DAB1: variants seen among roughly 807,000 people sequenced by gnomAD.
The protein encoded by DAB1 is DAB adaptor protein 1.
In DAB1, 15 loss-of-function variants were observed where a neutral mutation model predicts 64.6. That is an observed-to-expected ratio of 0.23 (90% CI 0.16 to 0.36). The LOEUF (loss-of-function observed/expected upper bound fraction) is 0.36. Ranked by LOEUF, DAB1 falls within the 10% of genes least tolerant of loss-of-function variation. DAB1 has a pLI of 1.00. For missense variants in DAB1, 596 were observed against 706.7 expected (o/e 0.84, Z 1.78); for synonymous variants, 235 against 251.9 (o/e 0.93, Z 0.64).
At chr1:57,319,724 A>T (rs1675535241) in intron 1 of DAB1, among the ~76,000 whole-genome samples, 1 of 152,086 alleles carries the variant, frequency 6.6e-6, no homozygotes, top group Admixed American at 6.6e-5. Context: ...AAGTGGCACT[A>T]TGATACAGTT....
At chr1:57,753,068 G>A (rs1648628220) in intron 6 of DAB1, among the ~76,000 whole-genome samples, 1 of 152,152 alleles carries the variant, frequency 6.6e-6, no homozygotes, top group East Asian at 1.9e-4. Context: ...AGAATGAGAG[G>A]TGATCCCTTG....
chr1:57,661,165 C>G (rs1646382089), intron 6 of DAB1, among the ~76,000 whole-genome samples: 1 of 151,934 alleles, frequency 6.6e-6, no homozygotes, highest in African/African-American at 2.4e-5. Context: ...AATTTTCTCA[C>G]TGTGTCTAAA....
chr1:57,176,920 T>TTATTTTGAG (rs1362549465), intron 2 of DAB1, among the ~76,000 whole-genome samples: 1 of 144,304 alleles, frequency 6.9e-6, no homozygotes, highest in East Asian at 2.0e-4. Context: ...GGCATAAGGA[T>TTATTTTGAG]TATTTTGAGC....
intron 2 of DAB1, among the ~76,000 whole-genome samples, chr1:57,246,378 C>G (rs1166913342): frequency 6.6e-6 from 1 of 152,226 alleles, no homozygotes; most frequent in Non-Finnish European, 1.5e-5. Context: ...TCAGAGGGTG[C>G]AAGCCCCAAG....
chr1:58,079,574 G>A (rs1407751055), intron 5 of DAB1, among the ~76,000 whole-genome samples: 2 of 129,970 alleles, frequency 1.5e-5, no homozygotes, highest in Non-Finnish European at 3.1e-5. Flanking sequence ...CCAGGTTGGA[G>A]TGCAATGGCG....
chr1:58,288,258 G>A (rs1661738386), intron 4 of DAB1, among the ~76,000 whole-genome samples: 1 of 152,028 alleles, frequency 6.6e-6, no homozygotes, highest in South Asian at 2.1e-4. Context: ...AAATCTCTTG[G>A]TATCTTTTAC....
At chr1:58,448,932 G>C (rs895705616) in intron 3 of DAB1, among the ~76,000 whole-genome samples, 5 of 152,162 alleles carry the variant, frequency 3.3e-5, no homozygotes, top group African/African-American at 1.2e-4. Context: ...TTATAGAGTA[G>C]AGAAAGAAAT....
chr1:58,294,056 T>C (rs914152204), intron 4 of DAB1, among the ~76,000 whole-genome samples: 2 of 152,170 alleles, frequency 1.3e-5, no homozygotes, highest in Non-Finnish European at 2.9e-5. Flanking sequence ...TTCTCACTCA[T>C]GGCTGGGTCC....
chr1:57,103,523 T>A (rs1289339781), intron 4 of DAB1, among the ~76,000 whole-genome samples: 1 of 152,052 alleles, frequency 6.6e-6, no homozygotes, highest in Non-Finnish European at 1.5e-5. Flanking sequence ...CTAGAGCAGA[T>A]CCCGGGAGTA....
chr1:57,995,057 GT>G (rs1452795063), intron 5 of DAB1, among the ~76,000 whole-genome samples: 2 of 152,190 alleles, frequency 1.3e-5, no homozygotes, highest in Non-Finnish European at 2.9e-5. Flanking sequence ...ATAACTGTCT[GT>G]GTTTTGCTGA....
chr1:58,483,623 G>A (rs1258103626), intron 3 of DAB1, among the ~76,000 whole-genome samples: 1 of 152,134 alleles, frequency 6.6e-6, no homozygotes, highest in East Asian at 1.9e-4. Context: ...AAACTGAATT[G>A]ACACAACAAG....
intron 4 of DAB1, among the ~76,000 whole-genome samples, chr1:58,293,307 A>C (rs1277642922): frequency 6.6e-6 from 1 of 152,176 alleles, no homozygotes; most frequent in Non-Finnish European, 1.5e-5. Flanking sequence ...CTTTGACATC[A>C]GCTCTCTCTC....
intron 5 of DAB1, among the ~76,000 whole-genome samples, chr1:58,142,280 A>G (rs903760223): frequency 2.0e-5 from 3 of 152,252 alleles, no homozygotes; most frequent in African/African-American, 7.2e-5. Context: ...GAACAGGAAT[A>G]TGATGCCAGC....
At chr1:57,951,057 G>T (rs947517420) in intron 5 of DAB1, among the ~76,000 whole-genome samples, 1 of 152,128 alleles carries the variant, frequency 6.6e-6, no homozygotes, top group East Asian at 1.9e-4. Context: ...GATCAGGAGA[G>T]TGAATGCAGT....
chr1:57,556,666 G>A (rs1193716069), intron 7 of DAB1, among the ~76,000 whole-genome samples: 2 of 152,158 alleles, frequency 1.3e-5, no homozygotes, highest in Non-Finnish European at 2.9e-5. Context: ...GTTCCTTGTA[G>A]ATTCTGGATA....
At chr1:57,364,324 G>T (rs901689742) in intron 1 of DAB1, among the ~76,000 whole-genome samples, 7 of 152,114 alleles carry the variant, frequency 4.6e-5, no homozygotes, top group Non-Finnish European at 8.8e-5. Context: ...AAAATCAATA[G>T]CAAGAGAAGT....
In DAB1 at chr1:57,660,305, A is replaced by T. The variant is rs192166727; in HGVS notation, n.552-10640T>A. ...GAGCAAATAAATCATGACCAAATCC[A>T]CACAGAGAACAGCAAAAGTAGGTTT... On this transcript the variant is annotated intron_variant and non_coding_transcript_variant, in intron 6 of 20. Coordinates refer to the DAB1 transcript ENST00000485760. 7.4e-3 allele frequency among the ~76,000 whole-genome samples: 1,127 copies of T among 152,248 alleles called. 6 individuals are homozygous for T. The highest frequency in any genetic ancestry group is 0.011 in the Non-Finnish European group (753 of 68,012).
chr1:57,088,010 C>T lies in DAB1; in HGVS notation c.307-15596G>A, dbSNP rs533088021. ...CTTGGCTCCTCTGAGCCCTCTTCTT[C>T]GCTAGGCCTCAACCTTGGCCTAGAA... is the stretch of plus-strand genomic sequence containing the variant. On this transcript the variant is annotated intron_variant, in intron 4 of 14. Coordinates refer to ENST00000371236, the MANE Select transcript of DAB1 (RefSeq NM_001365792.1). 1.0e-3 allele frequency among the ~76,000 whole-genome samples: 157 copies of T among 152,314 alleles called. 1 individual carries two copies. Among genetic ancestry groups the T allele is most frequent in the African/African-American group, 3.6e-3 (148 of 41,574 alleles).
At chr1:58,024,947 A>G (rs1646867744) in intron 5 of DAB1, among the ~76,000 whole-genome samples, 1 of 152,048 alleles carries the variant, frequency 6.6e-6, no homozygotes, top group African/African-American at 2.4e-5. Flanking sequence ...GCTGCCTCAG[A>G]TCTTGGGACT....
Sources: gnomAD v4.1 joint callset for allele counts (sites outside exome capture counted in the v4.1 genomes callset) on GRCh38, gnomAD v4.1.1 for gene constraint, MANE v1.5 for transcripts, NCBI Gene and HGNC (gene_info 2026-07-23, HGNC 2026-07-21) for gene names.